Variants in MIA2 observed in about 807,000 individuals in gnomAD.
The protein encoded by MIA2 is MIA SH3 domain ER export factor 2.
Under a neutral mutation model 167.8 loss-of-function variants are expected in MIA2, and 127 were observed. That is an observed-to-expected ratio of 0.76 (90% CI 0.66 to 0.88). MIA2 has a LOEUF of 0.88. Among genes scored for constraint, MIA2 ranks in the 40% least tolerant of loss-of-function variants. The probability of loss-of-function intolerance (pLI) is 0.00; values close to 1 mark genes in which losing one functional copy is unlikely to be tolerated. For synonymous variants in MIA2, 552 were observed against 541.9 expected (o/e 1.02, Z -0.26); for missense variants, 1,690 against 1,624.7 (o/e 1.04, Z -0.69).
chr14:39,322,162 T>C (rs1003185047), intron 24 of MIA2, among the ~76,000 whole-genome samples: 3 of 152,200 alleles, frequency 2.0e-5, no homozygotes, highest in African/African-American at 7.2e-5. Context: ...GAAAGTGAAA[T>C]AATCTTTTTA....
chr14:39,260,791 G>T (rs2055064276), intron 6 of MIA2, among the ~76,000 whole-genome samples: 3 of 152,054 alleles, frequency 2.0e-5, no homozygotes. Context: ...CCATGCCTAT[G>T]TCCTGAATGG....
At chr14:39,323,196 A>C (rs919409071) in intron 24 of MIA2, among the ~76,000 whole-genome samples, 1 of 151,796 alleles carries the variant, frequency 6.6e-6, no homozygotes, top group Non-Finnish European at 1.5e-5. Flanking sequence ...CTCTTTCTCC[A>C]CCCTCATTTT....
At chr14:39,333,122 T>C (rs1369504711) in intron 25 of MIA2, among the ~76,000 whole-genome samples, 2 of 152,194 alleles carry the variant, frequency 1.3e-5, no homozygotes, top group East Asian at 1.9e-4. Context: ...TTTAAAGTCA[T>C]TGTATGGTAA....
At chr14:39,303,394 T>C in intron 15 of MIA2, 84 bp from the exon 16 acceptor site, 1 of 1,059,314 alleles carries the variant, frequency 9.4e-7, no homozygotes, top group Non-Finnish European at 1.4e-6. Flanking sequence ...TCTGGTTTAG[T>C]GAACTGATAA....
At position 39,253,184 on chromosome 14, in the gene MIA2, T is replaced by G; in HGVS notation, c.1887+13T>G. 1.2e-6 allele frequency: 2 copies of G among 1,607,748 alleles called. No individual in the cohort carries two copies. The highest frequency in any genetic ancestry group is 1.7e-6 in the Non-Finnish European group (2 of 1,176,792). The stretch of plus-strand genomic sequence containing the variant: ...TCTTACAGAAAGGGTAAGTTTGCCT[T>G]TTAAACCTTTTGCAATAATTTTACC... On this transcript the variant is annotated intron_variant, in intron 6 of 28. Transcript: ENST00000640607.
Position 39,269,009 on chromosome 14 carries a change from A to G in MIA2, c.1888-7925A>G, listed in dbSNP as rs945682434. 5.1e-6 allele frequency: 5 copies of G among 982,798 alleles called. No individual in the cohort carries two copies. In the African/African-American group the frequency reaches 8.8e-5, roughly 17 times the overall value. The allele number at this position is 982,798 out of a possible 1,614,324, so 60.9% of individuals were successfully genotyped here. ...TGTACATGGAGAAATGCAGAAATAC[A>G]TGGAGAAATGCAGCCAGATTTTGCA... On this transcript the variant is annotated intron_variant, in intron 6 of 28. Transcript: ENST00000640607.
chr14:39,292,381 T>G (rs1011496770), intron 10 of MIA2, among the ~76,000 whole-genome samples: 1 of 152,192 alleles, frequency 6.6e-6, no homozygotes, highest in Non-Finnish European at 1.5e-5. Flanking sequence ...ATTTTGGAAA[T>G]TTTTCTTCAA....
chr14:39,361,306 CT>C (rs2074677267), intron 23 of MIA2, among the ~76,000 whole-genome samples: 1 of 152,152 alleles, frequency 6.6e-6, no homozygotes, highest in Non-Finnish European at 1.5e-5. Context: ...TTTATAGCCT[CT>C]TTAACTTCTT....
chr14:39,383,031 A>G (rs1417754995), intron 23 of MIA2, among the ~76,000 whole-genome samples: 3 of 144,300 alleles, frequency 2.1e-5, no homozygotes, highest in African/African-American at 7.7e-5. Context: ...GTCCTGATAC[A>G]ATTCCCAAAC....
At chr14:39,302,273 T>A in intron 15 of MIA2, 24 bp downstream of exon 15, 1 of 1,609,504 alleles carries the variant, frequency 6.2e-7, no homozygotes, top group South Asian at 1.1e-5. Context: ...ACTCATCTCC[T>A]TTTGCTAAAA....
chr14:39,242,805 T>C (rs1284156301), intron 3 of MIA2, among the ~76,000 whole-genome samples: 1 of 151,954 alleles, frequency 6.6e-6, no homozygotes, highest in Non-Finnish European at 1.5e-5. Flanking sequence ...CTCTTGGGAA[T>C]AGCACCTGTG....
intron 9 of MIA2, among the ~76,000 whole-genome samples, chr14:39,286,432 G>A (rs1449248553): frequency 1.3e-5 from 2 of 152,208 alleles, no homozygotes; most frequent in Admixed American, 1.3e-4. Flanking sequence ...GAGGGAGACT[G>A]TGGAGAGGGG....
At chr14:39,306,269 CCTGAAA>C (rs2063326156) in intron 17 of MIA2, among the ~76,000 whole-genome samples, 1 of 152,080 alleles carries the variant, frequency 6.6e-6, no homozygotes, top group Non-Finnish European at 1.5e-5. Flanking sequence ...TAAAGAACTA[CCTGAAA>C]CTGAGAAGTT....
chr14:39,332,753 C>T (rs2069217105), intron 25 of MIA2, among the ~76,000 whole-genome samples: 2 of 152,022 alleles, frequency 1.3e-5, no homozygotes, highest in Non-Finnish European at 2.9e-5. Flanking sequence ...ACTGCACCCG[C>T]TCTCTAACCA....
intron 9 of MIA2, among the ~76,000 whole-genome samples, chr14:39,285,156 A>C (rs1477246660): frequency 2.0e-5 from 3 of 152,176 alleles, no homozygotes; most frequent in Non-Finnish European, 4.4e-5. Context: ...ACTTCTTTCT[A>C]CACATACACA....
At chr14:39,377,654 T>C (rs771234913) in intron 23 of MIA2, among the ~76,000 whole-genome samples, 17 of 152,172 alleles carry the variant, frequency 1.1e-4, no homozygotes, top group Admixed American at 3.3e-4. Flanking sequence ...CTTAAAATCA[T>C]AGAAGGACCA....
intron 23 of MIA2, chr14:39,386,306 A>T (rs1028546615): frequency 2.2e-5 from 33 of 1,485,192 alleles, no homozygotes; most frequent in Non-Finnish European, 3.0e-5. Flanking sequence ...CTCCAAAGTG[A>T]CTGTGCTGGG....
At chr14:39,240,454 G>A (rs932421877) in intron 2 of MIA2, 107 bp from the exon 3 acceptor site, 9 of 644,258 alleles carry the variant, frequency 1.4e-5, no homozygotes, top group Non-Finnish European at 2.4e-5. Flanking sequence ...AGTAATGTTT[G>A]CGATTCAGAG....
chr14:39,324,714 C>T (rs1297697104), intron 24 of MIA2, among the ~76,000 whole-genome samples: 2 of 151,658 alleles, frequency 1.3e-5, no homozygotes, highest in African/African-American at 4.8e-5. Context: ...TCAAATGATT[C>T]TTGTTCCTTA....
Sources: allele counts gnomAD v4.1 joint callset (sites outside exome capture counted in the v4.1 genomes callset), GRCh38; gene constraint gnomAD v4.1.1; transcripts MANE v1.5; gene names NCBI Gene and HGNC (gene_info 2026-07-23, HGNC 2026-07-21).